CR1L: variants seen among roughly 807,000 people sequenced by gnomAD.
CR1L encodes complement C3b/C4b receptor 1 like, also known as complement component receptor 1-like protein.
In CR1L, 59 loss-of-function variants were observed where a neutral mutation model predicts 62.3. That is an observed-to-expected ratio of 0.95 (90% confidence interval 0.77 to 1.18). The LOEUF is 1.18. Ranked by LOEUF, CR1L falls within the 50% of genes most tolerant of loss-of-function variation. The pLI is 0.00. For missense variants in CR1L, 700 were observed against 702.8 expected, an observed-to-expected ratio of 1.00 and a Z score of 0.04; for synonymous variants, 279 against 248.7, an observed-to-expected ratio of 1.12 and a Z score of -1.15.
intron 1 of CR1L, among the ~76,000 whole-genome samples, chr1:207,674,985 A>T (rs1484064644): frequency 6.6e-6 from 1 of 152,118 alleles, no homozygotes; most frequent in Non-Finnish European, 1.5e-5. Flanking sequence ...GATTCTGGGG[A>T]CATAGCGTGG....
chr1:207,655,132 T>C, intron 1 of CR1L: 2 of 419,948 alleles, frequency 4.8e-6, no homozygotes, highest in Non-Finnish European at 9.1e-6. Context: ...AGTTCCTTCA[T>C]TATTATGTGT....
At chr1:207,648,047 C>A (rs1485185209) in intron 1 of CR1L, among the ~76,000 whole-genome samples, 1 of 151,648 alleles carries the variant, frequency 6.6e-6, no homozygotes, top group Non-Finnish European at 1.5e-5. Flanking sequence ...GCCTGTGGTC[C>A]CAGCTACTTG....
chr1:207,663,266 G>GC (rs1409499347), intron 1 of CR1L, among the ~76,000 whole-genome samples: 2 of 152,226 alleles, frequency 1.3e-5, no homozygotes, highest in African/African-American at 2.4e-5. Flanking sequence ...AGGCAGGCAG[G>GC]CCTCCTTGAG....
chr1:207,661,784 C>T (rs1244284857), intron 1 of CR1L, among the ~76,000 whole-genome samples: 2 of 151,690 alleles, frequency 1.3e-5, no homozygotes, highest in African/African-American at 4.9e-5. Context: ...TGGCTGGTAC[C>T]GATTGTTCCT....
At chr1:207,696,265 G>C (rs1664100281) in intron 5 of CR1L, among the ~76,000 whole-genome samples, 1 of 152,212 alleles carries the variant, frequency 6.6e-6, no homozygotes, top group African/African-American at 2.4e-5. Context: ...GGCATCGCTA[G>C]AATTGAAGCT....
chr1:207,707,598 A>T (rs1664287159), intron 9 of CR1L, among the ~76,000 whole-genome samples: 2 of 152,222 alleles, frequency 1.3e-5, no homozygotes, highest in African/African-American at 4.8e-5. Flanking sequence ...ATTGCACTCC[A>T]GCCTGAGCGA....
At position 207,683,836 on chromosome 1, in the gene CR1L, A is replaced by C. The variant is rs755804924; in HGVS notation, c.378-36A>C. On this transcript the variant is annotated intron_variant, in intron 3 of 11. Coordinates refer to ENST00000508064, the MANE Select transcript of CR1L (RefSeq NM_175710.2). ...ATTTAATTGGGTAGTTGACCTGTGT[A>C]TTTAGAATGTAACATTCCTTATTTT... The C allele has an allele frequency of 2.8e-5, 44 of 1,583,334 alleles. No individual in the cohort carries two copies. The African/African-American group carries it at 3.9e-4, about 14-fold the overall frequency.
chr1:207,701,110 C>A (rs1275659744), intron 8 of CR1L, among the ~76,000 whole-genome samples: 1 of 152,168 alleles, frequency 6.6e-6, no homozygotes, highest in Non-Finnish European at 1.5e-5. Context: ...TAGAGAAAAT[C>A]TTCATTCCTT....
chr1:207,678,487 T>C (rs1663740911), intron 3 of CR1L, among the ~76,000 whole-genome samples, 190 bp downstream of exon 3: 1 of 152,184 alleles, frequency 6.6e-6, no homozygotes. Flanking sequence ...AAATCATCTG[T>C]ATCCTTGCTG....
intron 1 of CR1L, among the ~76,000 whole-genome samples, chr1:207,671,280 A>G (rs12045913): frequency 0.39 from 59,127 of 150,568 alleles, 12,588 homozygotes; most frequent in African/African-American, 0.43. Flanking sequence ...CAGTCGTGCA[A>G]GACTGCAGGA....
At chr1:207,706,336 ACCTCAG>A (rs1359825475) in intron 9 of CR1L, among the ~76,000 whole-genome samples, 1 of 151,620 alleles carries the variant, frequency 6.6e-6, no homozygotes, top group Non-Finnish European at 1.5e-5. Flanking sequence ...TGAAAGGATC[ACCTCAG>A]CCCGAGAGGC....
intron 1 of CR1L, among the ~76,000 whole-genome samples, chr1:207,650,885 A>C (rs1409401035): frequency 6.6e-6 from 1 of 151,804 alleles, no homozygotes. Context: ...ACCTGGGTTC[A>C]AGCAATTCTT....
chr1:207,703,028 G>A (rs1664216866), intron 9 of CR1L, among the ~76,000 whole-genome samples: 1 of 152,236 alleles, frequency 6.6e-6, no homozygotes, highest in African/African-American at 2.4e-5. Context: ...AAGTTGCCGA[G>A]ATTGTGCCAC....
chr1:207,681,252 C>T (rs1281770718), intron 3 of CR1L, among the ~76,000 whole-genome samples: 1 of 152,166 alleles, frequency 6.6e-6, no homozygotes, highest in Non-Finnish European at 1.5e-5. Context: ...CATGTTCACC[C>T]ACATCCTGTA....
At position 207,696,580 on chromosome 1, in the gene CR1L, A is replaced by G. The variant is rs926903073; in HGVS notation, c.863-923A>G. Among the ~76,000 whole-genome samples the G allele has an allele frequency of 4.1e-4, 62 of 152,170 alleles. 1 individual carries two copies. The highest frequency in any genetic ancestry group is 2.9e-5 in the Non-Finnish European group (2 of 68,044). On this transcript the variant is annotated intron_variant, in intron 5 of 11. Transcript: ENST00000508064. ...AAACACTGGGTGATGAGCCCTGAAA[A>G]TGGACATTACAGCATCAGAGTATTT...
At chr1:207,650,817 G>A (rs938789181) in intron 1 of CR1L, among the ~76,000 whole-genome samples, 3 of 147,634 alleles carry the variant, frequency 2.0e-5, no homozygotes, top group South Asian at 2.1e-4. Context: ...ACAGAGTCTC[G>A]CTCTGCTGCC....
chr1:207,701,825 A>G (rs1664197109), intron 9 of CR1L: 7 of 784,216 alleles, frequency 8.9e-6, no homozygotes, highest in Non-Finnish European at 1.6e-5. Context: ...CAGTGCACAC[A>G]TAAAGAGTAT....
At position 207,694,362 on chromosome 1, in the gene CR1L, G is replaced by A. The variant is rs759350095; in HGVS notation, c.473G>A (p.Cys158Tyr). ...GCTCTTCCTTTCCCAGGAATTATTT[G>A]TGGGCTACCCCCCACCATCGCCAAT... ...NKTPVCDRII[C>Y]GLPPTIANGD... Residue 158 changes from cysteine (C) to tyrosine (Y), a missense_variant, in exon 5 of 12, where the codon TGT (cysteine) becomes TAT (tyrosine). Coordinates refer to ENST00000508064, the MANE Select transcript of CR1L (RefSeq NM_175710.2). 1.3e-5 allele frequency: 21 copies of A among 1,613,736 alleles called. No individual in the cohort carries two copies. Among genetic ancestry groups the A allele is most frequent in the Non-Finnish European group, 1.5e-5 (18 of 1,179,852 alleles).
chr1:207,701,872 T>A, intron 9 of CR1L: 1 of 640,976 alleles, frequency 1.6e-6, no homozygotes, highest in Non-Finnish European at 2.9e-6. Context: ...AAATTAGGAG[T>A]ATAGTAGTCA....
Sources: allele counts gnomAD v4.1 joint callset (sites outside exome capture counted in the v4.1 genomes callset), GRCh38; gene constraint gnomAD v4.1.1; transcripts MANE v1.5; gene names NCBI Gene and HGNC (gene_info 2026-07-23, HGNC 2026-07-21).